Variants in ANKRD33 observed in about 807,000 individuals in gnomAD.
ANKRD33 encodes ankyrin repeat domain 33.
Under a neutral mutation model 20.6 loss-of-function variants are expected in ANKRD33, and 20 were observed. The ratio of observed to expected loss-of-function variants is 0.97; its 90% CI spans 0.68 to 1.41. The LOEUF is 1.41. Among genes scored for constraint, ANKRD33 ranks in the 40% most tolerant of loss-of-function variants. ANKRD33 has a pLI of 0.00. For synonymous variants in ANKRD33, 246 were observed against 245.0 expected (o/e 1.00, Z -0.04); for missense variants, 545 against 579.6 (o/e 0.94, Z 0.61).
At position 51,890,581 on chromosome 12, in the gene ANKRD33, C is replaced by T. The variant is rs1320144167; in HGVS notation, c.638-3C>T. On this transcript the variant is annotated splice_region_variant and splice_polypyrimidine_tract_variant and intron_variant, in intron 4 of 4. Transcript: ENST00000301190. ...CCATGTCACCCCCTGTGCTCCTTCC[C>T]AGGTGCTGACCTGACAGCAGTGGAC... 6.2e-7 allele frequency: 1 copy of T among 1,609,656 alleles called. No homozygotes were observed. The highest frequency in any genetic ancestry group is 1.1e-5 in the South Asian group (1 of 90,786).
Position 51,888,344 on chromosome 12 carries a change from G to T in ANKRD33, c.145+13G>T. On this transcript the variant is annotated intron_variant, in intron 1 of 4. Transcript: ENST00000301190. Reference sequence around the variant, plus strand: ...CTACGAACCCCAAGTAAGAAAAAACGACGACCCTCTCTCCGTGAGTCTCAC... The same window carrying T: ...CTACGAACCCCAAGTAAGAAAAAACTACGACCCTCTCTCCGTGAGTCTCAC... 6.2e-7 allele frequency: 1 copy of T among 1,613,864 alleles called. No individual in the cohort carries two copies. Among genetic ancestry groups the T allele is most frequent in the South Asian group, 1.1e-5 (1 of 91,058 alleles).
rs1428647686 is a variant in ANKRD33, at chr12:51,890,577, T to G, written c.638-7T>G. On this transcript the variant is annotated splice_region_variant and splice_polypyrimidine_tract_variant and intron_variant, in intron 4 of 4. Transcript: ENST00000301190. ...CGCCCCATGTCACCCCCTGTGCTCC[T>G]TCCCAGGTGCTGACCTGACAGCAGT... The G allele has an allele frequency of 3.1e-6, 5 of 1,608,976 alleles. No homozygotes were observed. The Admixed American group carries it at 8.4e-5, about 27-fold the overall frequency.
chr12:51,889,782 A>T, intron 4 of ANKRD33: 1 of 471,350 alleles, frequency 2.1e-6, no homozygotes, highest in Non-Finnish European at 3.7e-6. Context: ...TCTAACACGA[A>T]AAAAGGCTGG....
At position 51,888,905 on chromosome 12, in the gene ANKRD33, A is replaced by G. The variant is rs1386759100; in HGVS notation, c.396+87A>G. 4.4e-6 allele frequency: 7 copies of G among 1,594,130 alleles called. No homozygotes were observed. In the East Asian group the frequency reaches 1.6e-4, roughly 36 times the overall value. Reference sequence around the variant, plus strand: ...TGGCCTGGCTCCCTGAGAGGGGTTCAGGGGCAATACCTCCTGCAGTCCTAA... The same window carrying G: ...TGGCCTGGCTCCCTGAGAGGGGTTCGGGGGCAATACCTCCTGCAGTCCTAA... On this transcript the variant is annotated intron_variant, in intron 2 of 4. Transcript: ENST00000301190.
Position 51,888,343 on chromosome 12 carries a change from C to T in ANKRD33, c.145+12C>T. 6.2e-7 allele frequency: 1 copy of T among 1,613,908 alleles called. No individual in the cohort carries two copies. The highest frequency in any genetic ancestry group is 1.1e-5 in the South Asian group (1 of 91,080). On this transcript the variant is annotated intron_variant, in intron 1 of 4. Coordinates refer to ENST00000301190, the MANE Select transcript of ANKRD33 (RefSeq NM_182608.4). The stretch of plus-strand genomic sequence containing the variant: ...CCTACGAACCCCAAGTAAGAAAAAA[C>T]GACGACCCTCTCTCCGTGAGTCTCA...
Position 51,889,404 on chromosome 12 carries a change from T to C in ANKRD33, c.559T>C (p.Tyr187His). Residue 187 changes from tyrosine to histidine, a missense_variant, in exon 4 of 5, where the codon TAC (tyrosine) becomes CAC (histidine). Tyr to His is a moderately conservative substitution (Grantham distance 83, BLOSUM62 2). Coordinates refer to ENST00000301190, the MANE Select transcript of ANKRD33 (RefSeq NM_182608.4). ...GCCTCTAGTGAGTCTCCTGCTCAAC[T>C]ACTATGTGGGCCTGGACCTGGAACG... ...HVPLVSLLLN[Y>H]YVGLDLERRD... 6.2e-7 allele frequency: 1 copy of C among 1,614,174 alleles called. No homozygotes were observed. Among genetic ancestry groups the C allele is most frequent in the Non-Finnish European group, 8.5e-7 (1 of 1,180,022 alleles).
chr12:51,888,216 T>G lies in ANKRD33; in HGVS notation c.30T>G (p.Val10=). The change falls in exon 1 of 5, where the codon GTT becomes GTG. Residue 10 remains valine (V), a synonymous_variant. Coordinates refer to ENST00000301190, the MANE Select transcript of ANKRD33 (RefSeq NM_182608.4). ...AAGTCCAGCCATCTGTTACCTGCGT[T>G]GCTTCCTGGGGAGGGATAGTCCACC... is the stretch of plus-strand genomic sequence containing the variant. MKVQPSVTC[V]ASWGGIVHLE... is the part of the protein sequence containing the mutation. 1 of 1,614,234 alleles carries G rather than the reference T, an allele frequency of 6.2e-7. No homozygotes were observed. Among genetic ancestry groups the G allele is most frequent in the Admixed American group, 1.7e-5 (1 of 60,020 alleles).
At position 51,891,023 on chromosome 12, in the gene ANKRD33, G is replaced by A. The variant is rs371567187; in HGVS notation, c.1077G>A (p.Pro359=). The A allele has an allele frequency of 5.5e-5, 89 of 1,610,290 alleles. No individual in the cohort carries two copies. Among genetic ancestry groups the A allele is most frequent in the Admixed American group, 2.2e-4 (13 of 59,830 alleles). The change falls in exon 5 of 5, where the codon CCG becomes CCA. Residue 359 remains proline, a synonymous_variant. Coordinates refer to ENST00000301190, the MANE Select transcript of ANKRD33 (RefSeq NM_182608.4). ...CCCCTCCCCTGGTTCCCCAGTCCCC[G>A]CCAGGGAGTCCCCAGAGGTCCCCGT... ...APPPPLVPQS[P]PGSPQRSPWV...
At chr12:51,889,632 C>T in intron 4 of ANKRD33, 150 bp downstream of exon 4, 1 of 1,377,456 alleles carries the variant, frequency 7.3e-7, no homozygotes, top group Non-Finnish European at 9.6e-7. Flanking sequence ...GGGGATCAAT[C>T]TAGTTCACCT....
In ANKRD33 at chr12:51,890,784, G is replaced by T. The variant is rs1940397815; in HGVS notation, c.838G>T (p.Ala280Ser). The T allele has an allele frequency of 1.9e-6, 3 of 1,597,306 alleles. No individual in the cohort carries two copies. Among genetic ancestry groups the T allele is most frequent in the Admixed American group, 1.7e-5 (1 of 59,656 alleles). ...VAQAQAQAQV[A>S]PSLLERLQAT... ...CCAGGCCCAGGCCCAGGCCCAGGTTGCCCCTTCACTCCTAGAACGGCTGCA... is the reference window on the plus strand; with the variant it reads ...CCAGGCCCAGGCCCAGGCCCAGGTTTCCCCTTCACTCCTAGAACGGCTGCA... The change falls in exon 5 of 5, where the codon GCC (alanine) becomes TCC (serine). Residue 280 changes from alanine (A) to serine (S), a missense_variant. Physicochemically the swap from Ala to Ser is moderately conservative, Grantham distance 99. Transcript: ENST00000301190.
intron 3 of ANKRD33, 59 bp from the exon 4 acceptor site, chr12:51,889,313 G>A (rs1274601702): frequency 1.2e-6 from 2 of 1,607,264 alleles, no homozygotes; most frequent in Non-Finnish European, 1.7e-6. Flanking sequence ...GTGGAGGGCG[G>A]TTTGGGAGCT....
intron 1 of ANKRD33, 79 bp downstream of exon 1, chr12:51,888,410 C>T (rs1271388586): frequency 1.9e-6 from 3 of 1,593,728 alleles, no homozygotes; most frequent in Non-Finnish European, 2.6e-6. Flanking sequence ...GCTTAGGGCT[C>T]CTGACCCAGC....
Position 51,889,090 on chromosome 12 carries a change from C to G in ANKRD33, c.420C>G (p.Tyr140Ter). The G allele has an allele frequency of 1.2e-6, 2 of 1,614,042 alleles. No individual in the cohort carries two copies. Among genetic ancestry groups the G allele is most frequent in the Non-Finnish European group, 1.7e-6 (2 of 1,179,880 alleles). Residue 140 changes from tyrosine to a stop codon, truncating the protein, a stop_gained, in exon 3 of 5, where the codon TAC (tyrosine) becomes TAG (stop). Coordinates refer to ENST00000301190, the MANE Select transcript of ANKRD33 (RefSeq NM_182608.4). LOFTEE classifies it high-confidence loss of function. ...AGACAGGCCTCATGGTCGCATGCTA[C>G]CACGGCTTCCAGAGTGTTGTGGCCC... The part of the protein sequence containing the change: ...NGRTGLMVAC[Y>*]HGFQSVVALL...
rs200090162 is a variant in ANKRD33 at position 51,890,819 on chromosome 12, G to C, written c.873G>C (p.Leu291Phe). The C allele has an allele frequency of 6.2e-7, 1 of 1,609,896 alleles. No homozygotes were observed. The highest frequency in any genetic ancestry group is 1.1e-5 in the South Asian group (1 of 90,954). Reference sequence around the variant, plus strand: ...TCCTAGAACGGCTGCAGGCTACCTTGAGCCTCCCCTTTGCCCCGTCTCCTC... The same window carrying C: ...TCCTAGAACGGCTGCAGGCTACCTTCAGCCTCCCCTTTGCCCCGTCTCCTC... Reference protein sequence around the residue: ...PSLLERLQATLSLPFAPSPQE... With the variant: ...PSLLERLQATFSLPFAPSPQE... The change falls in exon 5 of 5, where the codon TTG (leucine) becomes TTC (phenylalanine). Residue 291 changes from leucine (L) to phenylalanine (F), a missense_variant. Transcript: ENST00000301190.
Position 51,890,944 on chromosome 12 carries a change from C to T in ANKRD33, c.998C>T (p.Pro333Leu), listed in dbSNP as rs763083567. 6.2e-7 allele frequency: 1 copy of T among 1,613,666 alleles called. No homozygotes were observed. Among genetic ancestry groups the T allele is most frequent in the South Asian group, 1.1e-5 (1 of 91,086 alleles). ...CACACTCTGTGCCCTGACCATCCAC[C>T]TTCGCTGGGCACCCGAAGCAAGTCC... is the stretch of plus-strand genomic sequence containing the variant. ...ACHTLCPDHP[P>L]SLGTRSKSVP... Residue 333 changes from proline (P) to leucine (L), a missense_variant, in exon 5 of 5, where the codon CCT (proline) becomes CTT (leucine). Pro to Leu is a moderately conservative substitution (Grantham distance 98). Transcript: ENST00000301190.
intron 4 of ANKRD33, 149 bp downstream of exon 4, chr12:51,889,631 T>C: frequency 2.9e-6 from 4 of 1,385,108 alleles, no homozygotes; most frequent in Non-Finnish European, 3.8e-6. Flanking sequence ...GGGGGATCAA[T>C]CTAGTTCACC....
rs750376929 is a variant in ANKRD33, at chr12:51,891,356, G to A, written c.*51G>A. 3.4e-5 allele frequency: 53 copies of A among 1,576,502 alleles called. No homozygotes were observed. The highest frequency in any genetic ancestry group is 4.2e-5 in the Non-Finnish European group (49 of 1,159,508). On this transcript the variant is annotated 3_prime_UTR_variant, in exon 5 of 5. Coordinates refer to ENST00000301190, the MANE Select transcript of ANKRD33 (RefSeq NM_182608.4). The stretch of plus-strand genomic sequence containing the variant: ...GAACAGGTAATCAGGCCCCTCCCAG[G>A]GCTTCTTTCCCCTCTGGAGTGCCTC...
In ANKRD33 at chr12:51,888,135, A is replaced by C. The variant is rs1204340513; in HGVS notation, c.-52A>C. ...GACCACCCGCCCCGCATGGGGCCCC[A>C]GTCCCAGCTGCTTGATCCGGCTCAG... On this transcript the variant is annotated 5_prime_UTR_variant, in exon 1 of 5. Coordinates refer to ENST00000301190, the MANE Select transcript of ANKRD33 (RefSeq NM_182608.4). 2 of 1,600,306 alleles carry C rather than the reference A, an allele frequency of 1.2e-6. No homozygotes were observed. Among genetic ancestry groups the C allele is most frequent in the African/African-American group, 2.7e-5 (2 of 74,178 alleles).
In ANKRD33 at chr12:51,890,654, C is replaced by G; in HGVS notation, c.708C>G (p.Ser236Arg). 6.2e-7 allele frequency: 1 copy of G among 1,608,272 alleles called. No individual in the cohort carries two copies. Among genetic ancestry groups the G allele is most frequent in the Non-Finnish European group, 8.5e-7 (1 of 1,179,996 alleles). Residue 236 changes from serine to arginine, a missense_variant, in exon 5 of 5, where the codon AGC becomes AGG. Physicochemically the swap from Ser to Arg is moderately radical, Grantham distance 110 (BLOSUM62 -1). Coordinates refer to ENST00000301190, the MANE Select transcript of ANKRD33 (RefSeq NM_182608.4). ...TGGAATGGGCAGTGCTGACCGACAG[C>G]TTCGACACCGTGTGGAGGATTCGGC... ...TALEWAVLTD[S>R]FDTVWRIRQL...
Sources: allele counts gnomAD v4.1 joint callset, GRCh38; gene constraint gnomAD v4.1.1; transcripts MANE v1.5; gene names NCBI Gene and HGNC (gene_info 2026-07-23, HGNC 2026-07-21).